RHBDD1: variants seen among roughly 807,000 people sequenced by gnomAD.
RHBDD1 encodes the protein rhomboid-related protein 4.
RHBDD1 carries 38 observed loss-of-function variants against 36.3 expected under a neutral mutation model. The observed-to-expected ratio is 1.05, with a 90% CI of 0.81 to 1.37. The LOEUF is 1.37. Among genes scored for constraint, RHBDD1 ranks in the 40% most tolerant of loss-of-function variants. The pLI is 0.00. For synonymous variants in RHBDD1, 151 were observed against 136.5 expected, an observed-to-expected ratio of 1.11 and a Z score of -0.74; for missense variants, 393 against 377.6, an observed-to-expected ratio of 1.04 and a Z score of -0.34.
At chr2:226,819,973 GTGTGTT>G in the RHBDD1 span, among the ~76,000 whole-genome samples, 2 of 98,248 alleles carry the variant, frequency 2.0e-5, no homozygotes, top group African/African-American at 4.9e-5. Context: ...TACATATTGT[GTGTGTT>G]TTTTTTTTTT....
chr2:226,820,734 T>C, the RHBDD1 span, among the ~76,000 whole-genome samples: 2 of 151,412 alleles, frequency 1.3e-5, no homozygotes, highest in East Asian at 1.9e-4. Flanking sequence ...GGTGGTAGGA[T>C]TGCATGAGCC....
intron 3 of RHBDD1, among the ~76,000 whole-genome samples, chr2:226,850,854 C>T (rs1355299756): frequency 6.6e-6 from 1 of 151,886 alleles, no homozygotes; most frequent in African/African-American, 2.4e-5. Context: ...GCTACAGAAT[C>T]TTCCATGAGA....
chr2:226,836,969 A>C (rs537508723), intron 1 of RHBDD1, among the ~76,000 whole-genome samples: 67 of 152,312 alleles, frequency 4.4e-4, no homozygotes, highest in African/African-American at 1.6e-3. Flanking sequence ...GATCAGCATC[A>C]CTTGGGAACT....
At chr2:226,847,317 T>C (rs2125043533) in intron 3 of RHBDD1, among the ~76,000 whole-genome samples, 1 of 152,392 alleles carries the variant, frequency 6.6e-6, no homozygotes, top group South Asian at 2.1e-4. Flanking sequence ...AGCACATGCA[T>C]GCTATTTTCT....
At chr2:226,849,885 C>T (rs1301415663) in intron 3 of RHBDD1, among the ~76,000 whole-genome samples, 1 of 152,186 alleles carries the variant, frequency 6.6e-6, no homozygotes, top group Non-Finnish European at 1.5e-5. Flanking sequence ...CTGTCTCTCT[C>T]TCTCTACATA....
intron 7 of RHBDD1, among the ~76,000 whole-genome samples, chr2:226,911,316 A>G (rs945997598): frequency 1.3e-5 from 2 of 152,116 alleles, no homozygotes; most frequent in African/African-American, 2.4e-5. Context: ...ATAATGAGCC[A>G]TGTGGGAAAT....
At chr2:226,841,743 G>A (rs1941656943) in intron 3 of RHBDD1, among the ~76,000 whole-genome samples, 1 of 152,138 alleles carries the variant, frequency 6.6e-6, no homozygotes, top group South Asian at 2.1e-4. Flanking sequence ...TGTGAATAGT[G>A]CCACATTTAA....
intron 8 of RHBDD1, among the ~76,000 whole-genome samples, chr2:226,964,900 T>A (rs1390021329): frequency 6.6e-6 from 1 of 152,246 alleles, no homozygotes; most frequent in Non-Finnish European, 1.5e-5. Context: ...GATTTTTCTC[T>A]GAATGAGATG....
At chr2:226,914,520 TCCCAG>T (rs1256817726) in intron 8 of RHBDD1, 169 bp downstream of exon 8, 2 of 679,678 alleles carry the variant, frequency 2.9e-6, no homozygotes, top group Admixed American at 6.4e-5. Flanking sequence ...GATGCCATAT[TCCCAG>T]CAACCTAAGC....
chr2:226,899,750 T>G (rs1342655224), intron 5 of RHBDD1, among the ~76,000 whole-genome samples: 1 of 152,160 alleles, frequency 6.6e-6, no homozygotes. Context: ...AATAAAAACC[T>G]TTTAGGACAT....
At chr2:226,837,546 A>G (rs938876993) in intron 1 of RHBDD1, 2 of 133,210 alleles carry the variant, frequency 1.5e-5, no homozygotes, top group Non-Finnish European at 3.0e-5. Flanking sequence ...TGATCTCTTC[A>G]GCTTTGTTTG....
the RHBDD1 span, among the ~76,000 whole-genome samples, chr2:226,814,944 ATGGAGGCACCCAGC>A: frequency 5.3e-5 from 8 of 152,200 alleles, no homozygotes; most frequent in Non-Finnish European, 1.2e-4. Flanking sequence ...GCCCAGGGTC[ATGGAGGCACCCAGC>A]AAGTGGCAAA....
rs543937511 is a variant in RHBDD1 at position 226,995,510 on chromosome 2, C to G, written c.936C>G (p.Phe312Leu). 2.9e-5 allele frequency: 46 copies of G among 1,609,888 alleles called. No individual in the cohort carries two copies. Among genetic ancestry groups the G allele is most frequent in the Middle Eastern group, 3.3e-4 (2 of 6,052 alleles). Residue 312 changes from phenylalanine to leucine, a missense_variant, in exon 9 of 9, where the codon TTC (phenylalanine) becomes TTG (leucine). By Grantham distance (22) the Phe-to-Leu change is conservative. Transcript: ENST00000392062. ...TGAGGAGACAGCGGCTTCACAGATT[C>G]GATAGCCAGTGAGGTGGCATCTTGG... is the stretch of plus-strand genomic sequence containing the variant. ...EEMRRQRLHR[F>L]DSQ
chr2:226,948,632 GA>G (rs1176352165), intron 8 of RHBDD1, among the ~76,000 whole-genome samples: 1 of 134,752 alleles, frequency 7.4e-6, no homozygotes, highest in East Asian at 2.2e-4. Context: ...AGGTATTGAA[GA>G]AACATACCTC....
intron 5 of RHBDD1, among the ~76,000 whole-genome samples, chr2:226,881,410 C>T (rs535162389): frequency 6.6e-6 from 1 of 152,300 alleles, no homozygotes; most frequent in South Asian, 2.1e-4. Context: ...ATGCTATAAG[C>T]TCAGATAGAG....
At chr2:226,934,698 G>A (rs185471279) in intron 8 of RHBDD1, among the ~76,000 whole-genome samples, 1 of 152,150 alleles carries the variant, frequency 6.6e-6, no homozygotes, top group East Asian at 1.9e-4. Context: ...TTTTATAAAT[G>A]AATCCAAGAG....
At chr2:226,879,624 A>G (rs1945539172) in intron 5 of RHBDD1, among the ~76,000 whole-genome samples, 1 of 152,236 alleles carries the variant, frequency 6.6e-6, no homozygotes, top group African/African-American at 2.4e-5. Context: ...AATTTAATAC[A>G]TTTTCCCAAA....
At chr2:226,979,068 GGAAA>G (rs1955116505) in intron 8 of RHBDD1, among the ~76,000 whole-genome samples, 1 of 152,094 alleles carries the variant, frequency 6.6e-6, no homozygotes, top group Non-Finnish European at 1.5e-5. Context: ...TGCGGGCTGG[GGAAA>G]GAAAGAAGCT....
At chr2:226,908,018 T>C (rs552850830) in intron 6 of RHBDD1, among the ~76,000 whole-genome samples, 3 of 152,334 alleles carry the variant, frequency 2.0e-5, no homozygotes, top group East Asian at 3.9e-4. Flanking sequence ...GCAAGTGCTT[T>C]GTTTAATTTT....
Sources: allele counts gnomAD v4.1 joint callset (sites outside exome capture counted in the v4.1 genomes callset), GRCh38; gene constraint gnomAD v4.1.1; transcripts MANE v1.5; gene names NCBI Gene and HGNC (gene_info 2026-07-23, HGNC 2026-07-21).